REEP1: variants seen among roughly 807,000 people sequenced by gnomAD.
REEP1 encodes the protein receptor expression-enhancing protein 1.
A neutral mutation model predicts 40.3 loss-of-function variants in REEP1; 22 were observed. The ratio of observed to expected loss-of-function variants is 0.55; its 90% CI spans 0.39 to 0.78. The LOEUF (loss-of-function observed/expected upper bound fraction) is 0.78, where lower values mean the gene tolerates loss of function less well. REEP1 is among the 30% of genes least tolerant of loss of function. REEP1 has a pLI of 0.00. For synonymous variants in REEP1, 116 were observed against 139.2 expected (o/e 0.83, Z 1.17); for missense variants, 280 against 361.1 (o/e 0.78, Z 1.82).
chr2:86,317,915 C>T (rs546913603), intron 1 of REEP1, among the ~76,000 whole-genome samples: 20 of 152,152 alleles, frequency 1.3e-4, no homozygotes, highest in African/African-American at 4.1e-4. Context: ...TGATGAACTC[C>T]GGTTATTCAG....
At chr2:86,316,555 A>AG (rs1680020784) in intron 1 of REEP1, among the ~76,000 whole-genome samples, 2 of 148,772 alleles carry the variant, frequency 1.3e-5, no homozygotes, top group African/African-American at 5.0e-5. Context: ...TCTCAAAAAA[A>AG]AAAAAAAAAA....
At chr2:86,234,002 A>G (rs1574007615) in intron 5 of REEP1, among the ~76,000 whole-genome samples, 1 of 152,176 alleles carries the variant, frequency 6.6e-6, no homozygotes, top group East Asian at 1.9e-4. Context: ...GATTGATGAA[A>G]TAAGCAAGGG....
intron 1 of REEP1, among the ~76,000 whole-genome samples, chr2:86,332,436 AACACACAC>A (rs55793634): frequency 0.026 from 3,589 of 136,222 alleles, 146 homozygotes; most frequent in African/African-American, 0.084. Context: ...CTTTCCTGGA[AACACACAC>A]ACACACACAC....
intron 8 of REEP1, among the ~76,000 whole-genome samples, chr2:86,218,275 G>C (rs1674235362): frequency 6.6e-6 from 1 of 152,188 alleles, no homozygotes. Flanking sequence ...GCACCCAGTG[G>C]GAAGGGAGTG....
chr2:86,235,371 C>T (rs139428900), intron 5 of REEP1, among the ~76,000 whole-genome samples: 72 of 152,228 alleles, frequency 4.7e-4, no homozygotes, highest in Admixed American at 1.0e-3. Flanking sequence ...TCCAAATGGC[C>T]GGCTGCTCGT....
intron 5 of REEP1, among the ~76,000 whole-genome samples, chr2:86,243,188 T>C (rs1675759931): frequency 6.6e-6 from 1 of 151,944 alleles, no homozygotes; most frequent in African/African-American, 2.4e-5. Flanking sequence ...GAGAAATTCA[T>C]CTAACACTGA....
At chr2:86,254,546 C>T in intron 4 of REEP1, 148 bp downstream of exon 4, 1 of 747,532 alleles carries the variant, frequency 1.3e-6, no homozygotes, top group African/African-American at 1.7e-5. Flanking sequence ...CTCAGAAATA[C>T]ACTTAAAAAA....
intron 1 of REEP1, among the ~76,000 whole-genome samples, chr2:86,294,723 T>TTAGATAGA (rs10674625): frequency 0.26 from 38,642 of 148,824 alleles, 5,081 homozygotes; most frequent in Middle Eastern, 0.34. Context: ...GATTTATATT[T>TTAGATAGA]TAGATAGATA....
chr2:86,233,759 G>GA lies in REEP1; in HGVS notation c.418-958dup, dbSNP rs568511195. On this transcript the variant is annotated intron_variant, in intron 5 of 8. Transcript: ENST00000538924. ...ACAGGCAAGTAACTACCAGGCAAAT[G>GA]AATGAACTCAGACATCTTCAGAAAG... 1.2e-4 allele frequency among the ~76,000 whole-genome samples: 19 copies of GA among 152,256 alleles called. No homozygotes were observed. The East Asian group carries it at 3.5e-3, about 28-fold the overall frequency.
intron 1 of REEP1, among the ~76,000 whole-genome samples, chr2:86,316,940 G>A (rs1680042461): frequency 6.6e-6 from 1 of 152,198 alleles, no homozygotes; most frequent in South Asian, 2.1e-4. Flanking sequence ...CTGTCCCACT[G>A]AAAACAGTAA....
At chr2:86,234,011 G>A (rs184761370) in intron 5 of REEP1, among the ~76,000 whole-genome samples, 4 of 152,118 alleles carry the variant, frequency 2.6e-5, no homozygotes, top group Admixed American at 2.6e-4. Context: ...AATAAGCAAG[G>A]GCCAAAACAG....
At chr2:86,316,159 C>A (rs1360721845) in intron 1 of REEP1, among the ~76,000 whole-genome samples, 1 of 152,178 alleles carries the variant, frequency 6.6e-6, no homozygotes, top group Non-Finnish European at 1.5e-5. Context: ...CCATTCTAGA[C>A]TTTTAAGATG....
Position 86,220,007 on chromosome 2 carries a change from T to G in REEP1, c.746A>C (p.Lys249Thr), listed in dbSNP as rs1053297338. 1 of 1,232,198 alleles carries G rather than the reference T, an allele frequency of 8.1e-7. No homozygotes were observed. Among genetic ancestry groups the G allele is most frequent in the Non-Finnish European group, 1.0e-6 (1 of 988,016 alleles). 76.3% of individuals were successfully genotyped at this position (1,232,198 alleles called of 1,614,324 possible). ...TTCCATCCTTCGAGGTGCTTTATAC[T>G]TGTACATGAAATCCAGCAGGTCTTC... ...EEEDLLDFMY[K>T]YKAPRRMELP... The change falls in exon 8 of 9, where the codon AAG (lysine) becomes ACG (threonine). Residue 249 changes from lysine to threonine, a missense_variant. Lys to Thr is a moderately conservative substitution (Grantham distance 78). Around this residue, in one of 3 missense-constraint regions of REEP1, gnomAD observed 201 missense variants for 238.5 expected, o/e 0.84. Coordinates refer to ENST00000538924, the MANE Select transcript of REEP1 (RefSeq NM_001371279.1).
intron 2 of REEP1, among the ~76,000 whole-genome samples, chr2:86,278,748 T>C (rs1342903917): frequency 2.0e-5 from 3 of 152,164 alleles, no homozygotes; most frequent in Non-Finnish European, 4.4e-5. Flanking sequence ...AAGATGTGAC[T>C]TTGGCAGAGG....
chr2:86,319,945 G>A (rs1680205832), intron 1 of REEP1, among the ~76,000 whole-genome samples: 1 of 152,218 alleles, frequency 6.6e-6, no homozygotes, highest in Non-Finnish European at 1.5e-5. Context: ...GAGAAAGGCA[G>A]GGAACAGATT....
chr2:86,330,358 T>C (rs1680707896), intron 1 of REEP1, among the ~76,000 whole-genome samples: 1 of 152,008 alleles, frequency 6.6e-6, no homozygotes, highest in Non-Finnish European at 1.5e-5. Context: ...TGTTATCATC[T>C]CCAGGTGCAG....
intron 1 of REEP1, among the ~76,000 whole-genome samples, chr2:86,329,872 C>T (rs1472347264): frequency 6.6e-6 from 1 of 152,136 alleles, no homozygotes; most frequent in Non-Finnish European, 1.5e-5. Flanking sequence ...GATATCAACG[C>T]ACAGACCACT....
intron 2 of REEP1, chr2:86,280,005 GAGA>G: frequency 2.2e-6 from 1 of 456,350 alleles, no homozygotes. Flanking sequence ...AGTGGCAGCA[GAGA>G]AGGACGACAG....
intron 1 of REEP1, among the ~76,000 whole-genome samples, chr2:86,321,748 T>G (rs1250516736): frequency 6.6e-6 from 1 of 152,224 alleles, no homozygotes; most frequent in African/African-American, 2.4e-5. Context: ...ATAATATCAT[T>G]CATTATGAAA....
Sources: allele counts gnomAD v4.1 joint callset (sites outside exome capture counted in the v4.1 genomes callset), GRCh38; gene constraint gnomAD v4.1.1; regional missense constraint gnomAD v4.1.1; transcripts MANE v1.5; gene names NCBI Gene and HGNC (gene_info 2026-07-23, HGNC 2026-07-21).